Variants in SORCS1 observed in about 807,000 individuals in gnomAD.
SORCS1 encodes the protein VPS10 domain-containing receptor SorCS1.
In SORCS1, 60 loss-of-function variants were observed where a neutral mutation model predicts 146.1. The observed-to-expected ratio is 0.41, with a 90% CI of 0.33 to 0.51. The LOEUF is 0.51. Among genes scored for constraint, SORCS1 ranks in the 20% least tolerant of loss-of-function variants. SORCS1 has a pLI of 0.21. For missense variants in SORCS1, 1,352 were observed against 1,487.6 expected (o/e 0.91, Z 1.50); for synonymous variants, 637 against 584.0 (o/e 1.09, Z -1.31).
intron 18 of SORCS1, among the ~76,000 whole-genome samples, chr10:106,646,338 C>T (rs1239558809): frequency 6.6e-6 from 1 of 151,990 alleles, no homozygotes; most frequent in East Asian, 1.9e-4. Context: ...GTTTTCTTTG[C>T]TGTTTTAAAA....
chr10:106,734,776 G>C (rs1856831873), intron 5 of SORCS1, among the ~76,000 whole-genome samples: 1 of 152,106 alleles, frequency 6.6e-6, no homozygotes, highest in Non-Finnish European at 1.5e-5. Context: ...TAGGGCTCAG[G>C]AAATACAGTT....
At chr10:106,732,371 G>A (rs1188654311) in intron 5 of SORCS1, among the ~76,000 whole-genome samples, 5 of 152,122 alleles carry the variant, frequency 3.3e-5, no homozygotes, top group African/African-American at 1.2e-4. Flanking sequence ...GGCTTTGGGT[G>A]GTGACTCTCC....
chr10:106,647,116 G>A (rs922285390), intron 18 of SORCS1, among the ~76,000 whole-genome samples: 14 of 149,908 alleles, frequency 9.3e-5, no homozygotes, highest in African/African-American at 2.9e-4. Flanking sequence ...TTGAAATTTT[G>A]TGTAAATTTT....
At chr10:106,818,607 G>A (rs1210134602) in intron 3 of SORCS1, among the ~76,000 whole-genome samples, 3 of 152,128 alleles carry the variant, frequency 2.0e-5, no homozygotes, top group Non-Finnish European at 2.9e-5. Flanking sequence ...CTGGTGATCC[G>A]CCTGCCTCGG....
intron 2 of SORCS1, among the ~76,000 whole-genome samples, chr10:106,945,170 G>C (rs142829260): frequency 0.048 from 7,288 of 151,948 alleles, 505 homozygotes; most frequent in African/African-American, 0.15. Context: ...TTACAGGTGT[G>C]AGCCACCATG....
At position 106,663,427 on chromosome 10, in the gene SORCS1, G is replaced by T. The variant is rs571969049; in HGVS notation, c.2303+4262C>A. Among the ~76,000 whole-genome samples the T allele has an allele frequency of 6.6e-5, 10 of 152,254 alleles. 1 individual carries two copies. The East Asian group carries it at 1.7e-3, about 26-fold the overall frequency. On this transcript the variant is annotated intron_variant, in intron 17 of 25. Transcript: ENST00000263054. Reference sequence around the variant, plus strand: ...GATCACAGTTGTGTGGGGAAAGGGGGCCAGGATTGGGATGATGATGTAAAT... The same window carrying T: ...GATCACAGTTGTGTGGGGAAAGGGGTCCAGGATTGGGATGATGATGTAAAT...
chr10:106,623,383 A>G (rs1394396901), intron 19 of SORCS1, among the ~76,000 whole-genome samples: 1 of 151,430 alleles, frequency 6.6e-6, no homozygotes, highest in Non-Finnish European at 1.5e-5. Flanking sequence ...GCTAGCTGGG[A>G]CTACAGACAC....
At chr10:106,852,279 C>T (rs1344261512) in intron 2 of SORCS1, among the ~76,000 whole-genome samples, 2 of 152,136 alleles carry the variant, frequency 1.3e-5, no homozygotes, top group African/African-American at 2.4e-5. Context: ...TCGAGTTTCT[C>T]ACCACTAAGT....
chr10:107,045,836 T>C (rs1959343846), intron 1 of SORCS1, among the ~76,000 whole-genome samples: 1 of 149,984 alleles, frequency 6.7e-6, no homozygotes, highest in Admixed American at 6.7e-5. Flanking sequence ...CAGGCTGGAA[T>C]ACAGTGGCAT....
intron 2 of SORCS1, among the ~76,000 whole-genome samples, chr10:106,890,782 C>A (rs1389541443): frequency 1.3e-5 from 2 of 151,518 alleles, no homozygotes; most frequent in Non-Finnish European, 2.9e-5. Context: ...GTTACTGGCA[C>A]CATTTGTGGT....
chr10:107,043,729 C>G (rs574868530), intron 1 of SORCS1, among the ~76,000 whole-genome samples: 1 of 152,300 alleles, frequency 6.6e-6, no homozygotes, highest in East Asian at 1.9e-4. Context: ...CCACCAGCCC[C>G]TTCTGCCAGC....
At chr10:106,656,544 A>C (rs1850306877) in intron 17 of SORCS1, among the ~76,000 whole-genome samples, 1 of 152,172 alleles carries the variant, frequency 6.6e-6, no homozygotes, top group Admixed American at 6.5e-5. Flanking sequence ...ATTCTTTCTC[A>C]AAAAAAGAAA....
In SORCS1 at chr10:106,956,893, C is replaced by T. The variant is rs575000597; in HGVS notation, c.559-313G>A. On this transcript the variant is annotated intron_variant, in intron 1 of 25. Coordinates refer to ENST00000263054, the MANE Select transcript of SORCS1 (RefSeq NM_052918.5). ...GGCTGGCAGAGCTGCCAAATATGCA[C>T]ACAACTCAGGTACTCACTGAGCAGA... Among the ~76,000 whole-genome samples, 492 of 152,256 alleles carry T rather than the reference C, an allele frequency of 3.2e-3. 7 individuals carry two copies. The highest frequency in any genetic ancestry group is 0.011 in the African/African-American group (474 of 41,566).
intron 2 of SORCS1, among the ~76,000 whole-genome samples, chr10:106,882,034 C>T (rs1266374981): frequency 6.6e-6 from 1 of 152,120 alleles, no homozygotes; most frequent in Non-Finnish European, 1.5e-5. Context: ...TTCTCTGTGT[C>T]TGGATTTAGT....
At chr10:107,126,520 A>G (rs898155404) in intron 1 of SORCS1, among the ~76,000 whole-genome samples, 1 of 152,214 alleles carries the variant, frequency 6.6e-6, no homozygotes, top group African/African-American at 2.4e-5. Flanking sequence ...CCTTTAAAAG[A>G]GAAGAACCTT....
intron 1 of SORCS1, among the ~76,000 whole-genome samples, chr10:107,128,517 G>A (rs1015428972): frequency 1.3e-5 from 2 of 152,126 alleles, no homozygotes; most frequent in Admixed American, 6.6e-5. Context: ...GTCTGAACTC[G>A]TTTTCTCATT....
chr10:106,898,463 C>A (rs929135312), intron 2 of SORCS1, among the ~76,000 whole-genome samples: 1 of 152,208 alleles, frequency 6.6e-6, no homozygotes. Flanking sequence ...TCTTCTTCCT[C>A]TGTTTACTCA....
intron 1 of SORCS1, among the ~76,000 whole-genome samples, chr10:107,023,025 G>A (rs549264318): frequency 4.6e-5 from 7 of 152,336 alleles, no homozygotes; most frequent in Admixed American, 3.3e-4. Context: ...GTTCAGAGAC[G>A]ATAAGTGGTC....
At chr10:107,109,254 G>A (rs1965513357) in intron 1 of SORCS1, among the ~76,000 whole-genome samples, 1 of 152,204 alleles carries the variant, frequency 6.6e-6, no homozygotes, top group Non-Finnish European at 1.5e-5. Flanking sequence ...TCCCCTCTGT[G>A]CTGCCCTAGT....
Sources: gnomAD v4.1 joint callset for allele counts (sites outside exome capture counted in the v4.1 genomes callset) on GRCh38, gnomAD v4.1.1 for gene constraint, MANE v1.5 for transcripts, NCBI Gene and HGNC (gene_info 2026-07-23, HGNC 2026-07-21) for gene names.